The following INPP4B variants were observed in gnomAD, a reference collection of about 807,000 sequenced individuals.
INPP4B encodes the protein inositol polyphosphate-4-phosphatase type II B, also known as inositol polyphosphate 4-phosphatase type II.
A neutral mutation model predicts 122.5 loss-of-function variants in INPP4B; 55 were observed. The observed-to-expected ratio is 0.45, with a 90% CI of 0.36 to 0.56. The LOEUF (loss-of-function observed/expected upper bound fraction) is 0.56, where lower values mean the gene tolerates loss of function less well. INPP4B is among the 20% of genes least tolerant of loss of function. INPP4B has a pLI of 0.00. For missense variants in INPP4B, 1,000 were observed against 1,097.7 expected (o/e 0.91, Z 1.26); for synonymous variants, 403 against 388.7 (o/e 1.04, Z -0.43).
rs902175915 is a variant in INPP4B at position 142,350,166 on chromosome 4, A to T, written c.373-35404T>A. On this transcript the variant is annotated intron_variant, in intron 7 of 25. Coordinates refer to ENST00000262992, the MANE Select transcript of INPP4B (RefSeq NM_001101669.3). The stretch of plus-strand genomic sequence containing the variant: ...CTTTCCACTATTAAGAACAGTCTGC[A>T]CTATTAGCCTTTCTCTGAGTGTTCA... Among the ~76,000 whole-genome samples the T allele has an allele frequency of 4.6e-5, 7 of 152,020 alleles. No homozygotes were observed. In the East Asian group the frequency reaches 1.4e-3, roughly 29 times the overall value.
chr4:142,672,360 T>G (rs926513128), intron 2 of INPP4B, among the ~76,000 whole-genome samples: 1 of 152,138 alleles, frequency 6.6e-6, no homozygotes, highest in Non-Finnish European at 1.5e-5. Context: ...ACATTAGCAA[T>G]GTTTGAGACT....
rs2149586688 is a variant in INPP4B, at chr4:142,460,880, T to C, written c.-127+1783A>G. Among the ~76,000 whole-genome samples the C allele has an allele frequency of 2.0e-5, 3 of 152,228 alleles. No individual in the cohort carries two copies. The East Asian group carries it at 5.8e-4, about 29-fold the overall frequency. On this transcript the variant is annotated intron_variant, in intron 3 of 25. Transcript: ENST00000262992. ...GCAAAGACAAAATCTCCACATTTTATATCAAATCAAATCATTGGCCCAACA... is the reference window on the plus strand; with the variant it reads ...GCAAAGACAAAATCTCCACATTTTACATCAAATCAAATCATTGGCCCAACA...
intron 7 of INPP4B, among the ~76,000 whole-genome samples, chr4:142,316,090 C>A (rs16998546): frequency 0.012 from 1,770 of 152,230 alleles, 32 homozygotes; most frequent in African/African-American, 0.04. Flanking sequence ...GAACTTCTAG[C>A]TTAATGCTTT....
intron 2 of INPP4B, among the ~76,000 whole-genome samples, chr4:142,517,456 T>G (rs375790932): frequency 1.5e-4 from 23 of 152,274 alleles, no homozygotes; most frequent in African/African-American, 5.5e-4. Context: ...ACTAGACAGT[T>G]GGCTTCCCGG....
At chr4:142,429,042 C>A (rs1808723405) in intron 5 of INPP4B, 131 bp downstream of exon 5, 2 of 571,542 alleles carry the variant, frequency 3.5e-6, no homozygotes, top group African/African-American at 1.9e-5. Flanking sequence ...CCTTATAGAA[C>A]AATTTTAAAA....
intron 25 of INPP4B, among the ~76,000 whole-genome samples, chr4:142,039,470 A>G (rs2152319837): frequency 6.6e-6 from 1 of 152,306 alleles, no homozygotes; most frequent in Admixed American, 6.5e-5. Context: ...GGTACTAAGT[A>G]ATAATAATTT....
At chr4:142,394,084 C>A (rs1265560992) in intron 7 of INPP4B, among the ~76,000 whole-genome samples, 1 of 152,182 alleles carries the variant, frequency 6.6e-6, no homozygotes, top group Non-Finnish European at 1.5e-5. Flanking sequence ...AATGATTGTA[C>A]CAATTTACAT....
chr4:142,247,710 C>G (rs978299883), intron 11 of INPP4B, among the ~76,000 whole-genome samples: 5 of 151,976 alleles, frequency 3.3e-5, no homozygotes, highest in African/African-American at 1.2e-4. Flanking sequence ...GCTGGTGGTC[C>G]ATCTATTTTG....
At chr4:142,409,459 C>A (rs772423367) in intron 5 of INPP4B, among the ~76,000 whole-genome samples, 9 of 151,804 alleles carry the variant, frequency 5.9e-5, no homozygotes, top group Non-Finnish European at 1.2e-4. Flanking sequence ...CGTCATTGTG[C>A]TCTAGCCTGG....
chr4:142,522,626 A>G (rs183675804), intron 2 of INPP4B, among the ~76,000 whole-genome samples: 35 of 152,048 alleles, frequency 2.3e-4, no homozygotes, highest in African/African-American at 8.4e-4. Context: ...GAGAAGGGAG[A>G]CGGTTTACTA....
chr4:142,606,402 C>A (rs1029344221), intron 2 of INPP4B, among the ~76,000 whole-genome samples: 1 of 151,700 alleles, frequency 6.6e-6, no homozygotes, highest in South Asian at 2.1e-4. Flanking sequence ...GGACTTGAAA[C>A]GATACCAACA....
At position 142,547,453 on chromosome 4, in the gene INPP4B, AGT is replaced by A. The variant is rs1829768368; in HGVS notation, c.-190-84729_-190-84728del. On this transcript the variant is annotated intron_variant, in intron 2 of 25. Transcript: ENST00000262992. ...CAATACCTAGACATAAATATTTATG[AGT>A]GGCTCCAAAACCCTGCACTAATTTT... Among the ~76,000 whole-genome samples, 9 of 152,262 alleles carry A rather than the reference AGT, an allele frequency of 5.9e-5. No individual in the cohort carries two copies. The South Asian group carries it at 1.9e-3, about 32-fold the overall frequency.
intron 7 of INPP4B, among the ~76,000 whole-genome samples, chr4:142,340,224 C>T (rs182703835): frequency 8.4e-4 from 128 of 152,210 alleles, no homozygotes; most frequent in Admixed American, 2.1e-3. Context: ...AAAAGGTGGC[C>T]TAATTTCCAC....
intron 7 of INPP4B, among the ~76,000 whole-genome samples, chr4:142,398,957 T>C (rs1023449080): frequency 1.3e-5 from 2 of 151,972 alleles, no homozygotes; most frequent in African/African-American, 4.8e-5. Context: ...AAAAGAGGGG[T>C]GTCAATGTAT....
intron 2 of INPP4B, among the ~76,000 whole-genome samples, chr4:142,644,926 A>G (rs1452201886): frequency 2.2e-5 from 3 of 137,250 alleles, no homozygotes; most frequent in Non-Finnish European, 4.8e-5. Context: ...AAAAAAAAAA[A>G]GCAAAGAGAA....
intron 7 of INPP4B, among the ~76,000 whole-genome samples, chr4:142,328,108 G>A (rs903632768): frequency 1.3e-5 from 2 of 151,004 alleles, no homozygotes; most frequent in African/African-American, 2.4e-5. Flanking sequence ...TGCAGTGTCT[G>A]TGGCCCACTG....
chr4:142,499,718 T>A (rs1823112016), intron 2 of INPP4B, among the ~76,000 whole-genome samples: 1 of 152,184 alleles, frequency 6.6e-6, no homozygotes, highest in Admixed American at 6.6e-5. Context: ...GAGTCATTAT[T>A]GCTGAAAGAT....
At chr4:142,702,084 G>A (rs1255953162) in intron 2 of INPP4B, among the ~76,000 whole-genome samples, 2 of 152,032 alleles carry the variant, frequency 1.3e-5, no homozygotes, top group African/African-American at 2.4e-5. Context: ...TCTGTTAGCA[G>A]TCTTACCAAT....
chr4:142,082,817 A>G (rs375340143), intron 24 of INPP4B, among the ~76,000 whole-genome samples: 1 of 152,132 alleles, frequency 6.6e-6, no homozygotes, highest in Admixed American at 6.6e-5. Flanking sequence ...TTTCATATAC[A>G]TTTGCTCTTT....
Sources: gnomAD v4.1 joint callset for allele counts (sites outside exome capture counted in the v4.1 genomes callset) on GRCh38, gnomAD v4.1.1 for gene constraint, MANE v1.5 for transcripts, NCBI Gene and HGNC (gene_info 2026-07-23, HGNC 2026-07-21) for gene names.